The following SLC24A3 variants were observed in gnomAD, a reference collection of about 807,000 sequenced individuals.
SLC24A3 encodes sodium/potassium/calcium exchanger 3.
A neutral mutation model predicts 75.8 loss-of-function variants in SLC24A3; 28 were observed. The observed-to-expected ratio is 0.37, with a 90% CI of 0.27 to 0.51. The LOEUF is 0.51. Among genes scored for constraint, SLC24A3 ranks in the 20% least tolerant of loss-of-function variants. SLC24A3 has a pLI of 0.94. For missense variants in SLC24A3, 663 were observed against 847.8 expected (o/e 0.78, Z 2.71); for synonymous variants, 372 against 334.1 (o/e 1.11, Z -1.24).
chr20:19,296,692 C>G (rs1308834061), intron 2 of SLC24A3, among the ~76,000 whole-genome samples: 1 of 152,164 alleles, frequency 6.6e-6, no homozygotes, highest in Non-Finnish European at 1.5e-5. Context: ...GCCATTGAGA[C>G]AGAAAATTAA....
intron 7 of SLC24A3, among the ~76,000 whole-genome samples, chr20:19,655,955 T>A (rs2032260876): frequency 6.6e-6 from 1 of 152,170 alleles, no homozygotes; most frequent in Non-Finnish European, 1.5e-5. Context: ...GAGCCCTAAC[T>A]AATACAGCCC....
intron 2 of SLC24A3, among the ~76,000 whole-genome samples, chr20:19,387,807 A>G (rs1490355745): frequency 1.3e-5 from 2 of 152,064 alleles, no homozygotes; most frequent in East Asian, 3.8e-4. Flanking sequence ...GTTGGATGGA[A>G]TGTTCTGTAT....
At chr20:19,642,956 A>C (rs1374512735) in intron 6 of SLC24A3, among the ~76,000 whole-genome samples, 1 of 152,192 alleles carries the variant, frequency 6.6e-6, no homozygotes, top group African/African-American at 2.4e-5. Flanking sequence ...ACATTAAAGA[A>C]ATGTCCTTGT....
At chr20:19,450,374 G>T (rs546705342) in intron 2 of SLC24A3, among the ~76,000 whole-genome samples, 2 of 152,054 alleles carry the variant, frequency 1.3e-5, no homozygotes, top group Admixed American at 6.6e-5. Flanking sequence ...TCTCATTCTC[G>T]TTTCATCTCC....
At chr20:19,358,835 T>C (rs1478814555) in intron 2 of SLC24A3, among the ~76,000 whole-genome samples, 1 of 152,238 alleles carries the variant, frequency 6.6e-6, no homozygotes, top group Non-Finnish European at 1.5e-5. Flanking sequence ...TGGATTAGTC[T>C]AGATTGGATA....
chr20:19,515,711 G>T (rs1321921079), intron 3 of SLC24A3, 147 bp downstream of exon 3: 4 of 717,762 alleles, frequency 5.6e-6, no homozygotes, highest in African/African-American at 5.3e-5. Context: ...TCTGTAGGGG[G>T]CCATCACCAA....
chr20:19,645,135 G>A (rs916292728), intron 6 of SLC24A3, among the ~76,000 whole-genome samples: 2 of 152,146 alleles, frequency 1.3e-5, no homozygotes, highest in African/African-American at 2.4e-5. Flanking sequence ...TGTTAATAAG[G>A]AAACACATAT....
At chr20:19,316,026 T>G (rs1234627487) in intron 2 of SLC24A3, among the ~76,000 whole-genome samples, 2 of 152,134 alleles carry the variant, frequency 1.3e-5, no homozygotes, top group African/African-American at 2.4e-5. Context: ...TTGAGTACAA[T>G]GTACTGCAGA....
At chr20:19,615,524 G>C (rs1055473568) in intron 6 of SLC24A3, among the ~76,000 whole-genome samples, 7 of 152,170 alleles carry the variant, frequency 4.6e-5, no homozygotes, top group African/African-American at 1.7e-4. Context: ...AGGAGCAAGA[G>C]AGAGCAAGGC....
chr20:19,612,203 A>G (rs73605528), intron 6 of SLC24A3, among the ~76,000 whole-genome samples: 5,394 of 152,256 alleles, frequency 0.035, 197 homozygotes, highest in East Asian at 0.11. Context: ...CAGCAGCTCT[A>G]ACAAACCTTG....
chr20:19,260,707 T>C lies in SLC24A3; in HGVS notation c.143-20252T>C, dbSNP rs145483164. ...TTGGTTTACTGCTTCCCAAAAAAGA[T>C]TGAGGCTATGAGACTGCTGTCCTCC... On this transcript the variant is annotated intron_variant, in intron 1 of 16. Coordinates refer to ENST00000328041, the MANE Select transcript of SLC24A3 (RefSeq NM_020689.4). 4.4e-4 allele frequency among the ~76,000 whole-genome samples: 67 copies of C among 152,310 alleles called. No homozygotes were observed. The East Asian group carries it at 0.012, about 27-fold the overall frequency.
chr20:19,524,615 C>T (rs2030164120), intron 3 of SLC24A3, among the ~76,000 whole-genome samples: 1 of 152,154 alleles, frequency 6.6e-6, no homozygotes, highest in Non-Finnish European at 1.5e-5. Flanking sequence ...CTGTATGCTC[C>T]TCTTCATCTT....
chr20:19,467,935 G>A (rs1987796476), intron 2 of SLC24A3, among the ~76,000 whole-genome samples: 1 of 151,604 alleles, frequency 6.6e-6, no homozygotes, highest in Non-Finnish European at 1.5e-5. Flanking sequence ...CAGGAGCAGA[G>A]GTAACCAAGA....
intron 2 of SLC24A3, among the ~76,000 whole-genome samples, chr20:19,283,682 C>G (rs553266820): frequency 1.3e-5 from 2 of 152,338 alleles, no homozygotes; most frequent in East Asian, 3.9e-4. Context: ...AAGCTGTGGA[C>G]TTTGGCCAAA....
intron 15 of SLC24A3, among the ~76,000 whole-genome samples, chr20:19,712,225 G>A (rs2033000259): frequency 6.6e-6 from 1 of 151,754 alleles, no homozygotes; most frequent in Non-Finnish European, 1.5e-5. Flanking sequence ...TGCTAGAATT[G>A]CAGGCATAAG....
intron 2 of SLC24A3, among the ~76,000 whole-genome samples, chr20:19,375,216 C>T (rs907976228): frequency 6.6e-6 from 1 of 152,206 alleles, no homozygotes; most frequent in Non-Finnish European, 1.5e-5. Flanking sequence ...TGGCTTTTCT[C>T]ATCTTCTCTC....
chr20:19,375,903 G>A (rs1986075597), intron 2 of SLC24A3, among the ~76,000 whole-genome samples: 1 of 152,236 alleles, frequency 6.6e-6, no homozygotes, highest in East Asian at 1.9e-4. Context: ...TTTGCCATGT[G>A]AGTGAGGAGG....
rs556697935 is a variant in SLC24A3, at chr20:19,426,802, G to T, written c.272-88686G>T. Among the ~76,000 whole-genome samples, 11 of 152,320 alleles carry T rather than the reference G, an allele frequency of 7.2e-5. No individual in the cohort carries two copies. The South Asian group carries it at 2.3e-3, about 32-fold the overall frequency. On this transcript the variant is annotated intron_variant, in intron 2 of 16. Transcript: ENST00000328041. ...TAGGAGCATGGGTCAGGAGGCTACT[G>T]CGGCCATCCAGGTGGGTGATGAGGA...
chr20:19,629,943 A>G (rs2031913536), intron 6 of SLC24A3, among the ~76,000 whole-genome samples: 1 of 152,254 alleles, frequency 6.6e-6, no homozygotes, highest in Non-Finnish European at 1.5e-5. Context: ...AAAGCCAAAC[A>G]AAAGTATACA....
Sources: allele counts gnomAD v4.1 joint callset (sites outside exome capture counted in the v4.1 genomes callset), GRCh38; gene constraint gnomAD v4.1.1; transcripts MANE v1.5; gene names NCBI Gene and HGNC (gene_info 2026-07-23, HGNC 2026-07-21).